The following TOPBP1 variants were observed in gnomAD, a reference collection of about 807,000 sequenced individuals.
TOPBP1 encodes DNA topoisomerase 2-binding protein 1.
A neutral mutation model predicts 167.7 loss-of-function variants in TOPBP1; 28 were observed. The observed-to-expected ratio is 0.17, with a 90% CI of 0.12 to 0.23. TOPBP1 has a LOEUF of 0.23. Among genes scored for constraint, TOPBP1 ranks in the 10% least tolerant of loss-of-function variants. The pLI, the probability that TOPBP1 is intolerant of heterozygous loss-of-function variation, is 1.00. For synonymous variants in TOPBP1, 598 were observed against 611.4 expected (o/e 0.98, Z 0.32); for missense variants, 1,554 against 1,809.6 (o/e 0.86, Z 2.56).
chr3:133,623,448 C>G lies in TOPBP1; in HGVS notation c.2938G>C (p.Glu980Gln). The change falls in exon 18 of 28, where the codon GAG becomes CAG. Residue 980 changes from glutamate to glutamine, a missense_variant. By Grantham distance (29) the Glu-to-Gln change is conservative. This residue lies in a region of TOPBP1 where 1,197 missense variants were observed against 1,351.5 expected (regional missense o/e 0.89). Transcript: ENST00000260810. ...SEHWLLDCAQ[E>Q]CKHLPESLYP... ...AGAGATTCAGGAAGATGTTTACACT[C>G]TTGGGCACACTGCAATACAATGGTG... is the stretch of plus-strand genomic sequence containing the variant. 6.2e-7 allele frequency: 1 copy of G among 1,609,862 alleles called. No individual in the cohort carries two copies. The highest frequency in any genetic ancestry group is 8.5e-7 in the Non-Finnish European group (1 of 1,177,794).
intron 14 of TOPBP1, among the ~76,000 whole-genome samples, chr3:133,632,614 T>C (rs896565417): frequency 6.6e-5 from 10 of 152,176 alleles, no homozygotes; most frequent in African/African-American, 2.2e-4. Context: ...GAAGCTCCCA[T>C]ACCACATCTA....
chr3:133,644,040 C>T lies in TOPBP1; in HGVS notation c.1828G>A (p.Val610Ile), dbSNP rs1935990468. The T allele has an allele frequency of 2.5e-6, 4 of 1,603,258 alleles. No homozygotes were observed. The highest frequency in any genetic ancestry group is 2.2e-5 in the South Asian group (2 of 89,078). The change falls in exon 11 of 28, where the codon GTT becomes ATT. Residue 610 changes from valine (V) to isoleucine (I), a missense_variant. Val to Ile is a conservative substitution (Grantham distance 29). Transcript: ENST00000260810. ...GCEVEATVGE[V>I]VTNTWLVTCI... is the part of the protein sequence containing the mutation. ...CTTACCAGCCATGTATTTGTAACAACTTCTCCCACAGTGGCTTCCACTTCA... is the reference window on the plus strand; with the variant it reads ...CTTACCAGCCATGTATTTGTAACAATTTCTCCCACAGTGGCTTCCACTTCA...
intron 27 of TOPBP1, 54 bp from the exon 28 acceptor site, chr3:133,601,447 T>C: frequency 1.5e-6 from 2 of 1,310,960 alleles, no homozygotes; most frequent in Non-Finnish European, 2.0e-6. Context: ...ATTTACGTGA[T>C]CTGGTAATAG....
At position 133,649,628 on chromosome 3, in the gene TOPBP1, T is replaced by C. The variant is rs771751235; in HGVS notation, c.1259A>G (p.His420Arg). Reference sequence around the variant, plus strand: ...TAGCAACCACTTTGCTCCCACTACATGAGGCCTACAAAAATAGCACATAGT... The same window carrying C: ...TAGCAACCACTTTGCTCCCACTACACGAGGCCTACAAAAATAGCACATAGT... ...QFWNKSAHRP[H>R]VVGAKWLLEC... is the part of the protein sequence containing the mutation. The change falls in exon 10 of 28, where the codon CAT becomes CGT. Residue 420 changes from histidine to arginine, a missense_variant. Around this residue, in one of 3 missense-constraint regions of TOPBP1, gnomAD observed 1,197 missense variants for 1,351.5 expected, o/e 0.89. Transcript: ENST00000260810. 3 of 1,613,084 alleles carry C rather than the reference T, an allele frequency of 1.9e-6. No homozygotes were observed. The highest frequency in any genetic ancestry group is 1.3e-5 in the African/African-American group (1 of 74,988).
intron 13 of TOPBP1, among the ~76,000 whole-genome samples, chr3:133,638,935 A>G (rs1935771861): frequency 6.6e-6 from 1 of 152,216 alleles, no homozygotes; most frequent in African/African-American, 2.4e-5. Context: ...AACAACCATT[A>G]TAACACTGAG....
chr3:133,659,438 A>C (rs1255396487), intron 2 of TOPBP1, among the ~76,000 whole-genome samples: 2 of 152,200 alleles, frequency 1.3e-5, no homozygotes, highest in Non-Finnish European at 2.9e-5. Context: ...CACATTTCTT[A>C]CTACAGCCTT....
chr3:133,631,519 G>A (rs923840598), intron 14 of TOPBP1, among the ~76,000 whole-genome samples: 4 of 151,974 alleles, frequency 2.6e-5, no homozygotes, highest in African/African-American at 9.7e-5. Context: ...GATATGGTTT[G>A]GATTTGTGTC....
chr3:133,630,122 T>A (rs908089004), intron 14 of TOPBP1, among the ~76,000 whole-genome samples: 4 of 152,140 alleles, frequency 2.6e-5, no homozygotes, highest in African/African-American at 9.6e-5. Context: ...GTGATAACTA[T>A]CTGCTCCTAT....
At chr3:133,629,848 G>A (rs28522612) in intron 14 of TOPBP1, among the ~76,000 whole-genome samples, 5,280 of 151,872 alleles carry the variant, frequency 0.035, 294 homozygotes, top group African/African-American at 0.12. Context: ...GTACAATGGC[G>A]CGATCTCGGC....
Position 133,640,103 on chromosome 3 carries a change from G to A in TOPBP1, c.2089C>T (p.Leu697=). 1.2e-6 allele frequency: 2 copies of A among 1,613,750 alleles called. No individual in the cohort carries two copies. The highest frequency in any genetic ancestry group is 1.3e-5 in the African/African-American group (1 of 75,020). Residue 697 remains leucine, a synonymous_variant, in exon 13 of 28, where the codon CTG becomes TTG. Transcript: ENST00000260810. ...TATTTAGAGCCACCACGTTCTTTCA[G>A]TATAAGATGAGTACTGGCAAACATG... ...KGMFASTHLI[L]KERGGSKYEA...
chr3:133,650,353 T>TTGTGTGTG (rs141835340), intron 8 of TOPBP1, among the ~76,000 whole-genome samples: 175 of 99,490 alleles, frequency 1.8e-3, no homozygotes, highest in African/African-American at 5.6e-3. Flanking sequence ...TGGGCTTAAA[T>TTGTGTGTG]TGTGTGTGTG....
At chr3:133,627,871 G>A (rs551455242) in intron 16 of TOPBP1, among the ~76,000 whole-genome samples, 2 of 142,878 alleles carry the variant, frequency 1.4e-5, no homozygotes, top group African/African-American at 5.0e-5. Context: ...AGTCTCCAAA[G>A]TTTAAAAAAA....
In TOPBP1 at chr3:133,661,034, C is replaced by A. The variant is rs778852226; in HGVS notation, c.84+10G>T. The A allele has an allele frequency of 5.1e-5, 79 of 1,561,834 alleles. No homozygotes were observed. The highest frequency in any genetic ancestry group is 1.2e-5 in the South Asian group (1 of 82,530). ...TGAATTCACGGTATTAAGATGTTTT[C>A]AACTCTTACCTCGAGAGCTTTAAAA... On this transcript the variant is annotated intron_variant, in intron 2 of 27. Transcript: ENST00000260810.
chr3:133,622,192 T>TTG (rs1935113835), intron 19 of TOPBP1, among the ~76,000 whole-genome samples: 1 of 147,982 alleles, frequency 6.8e-6, no homozygotes, highest in African/African-American at 2.5e-5. Context: ...TATGTTTTTT[T>TTG]TTTTTTTTTT....
intron 10 of TOPBP1, 67 bp downstream of exon 10, chr3:133,649,316 C>A: frequency 6.6e-7 from 1 of 1,523,242 alleles, no homozygotes. Context: ...GCAGAAATCA[C>A]ATATGTACGT....
intron 14 of TOPBP1, among the ~76,000 whole-genome samples, chr3:133,635,138 T>A (rs917381039): frequency 2.6e-5 from 4 of 152,346 alleles, no homozygotes; most frequent in Admixed American, 1.3e-4. Flanking sequence ...CAACTTTTTG[T>A]AGATGTGGGG....
Position 133,638,176 on chromosome 3 carries a change from A to G in TOPBP1, c.2234-14T>C, listed in dbSNP as rs1471298820. The G allele has an allele frequency of 6.2e-6, 10 of 1,609,466 alleles. No individual in the cohort carries two copies. The highest frequency in any genetic ancestry group is 8.5e-6 in the Non-Finnish European group (10 of 1,176,644). The stretch of plus-strand genomic sequence containing the variant: ...CCAAACTTCGTTCTAGAGATTTAAA[A>G]TGAAAAGAAACAAATATGAGCCACT... On this transcript the variant is annotated splice_polypyrimidine_tract_variant and intron_variant, in intron 13 of 27. Transcript: ENST00000260810.
In TOPBP1 at chr3:133,649,529, G is replaced by A. The variant is rs760358863; in HGVS notation, c.1358C>T (p.Pro453Leu). Residue 453 changes from proline to leucine, a missense_variant, in exon 10 of 28, where the codon CCA becomes CTA. Transcript: ENST00000260810. ...TTTACTTTCAGGCTTATGTGAAACT[G>A]GAATTTCCACTGGCTGGTAATTAGC... ...IHANYQPVEI[P>L]VSHKPESKAA... 2 of 1,613,838 alleles carry A rather than the reference G, an allele frequency of 1.2e-6. No homozygotes were observed. Among genetic ancestry groups the A allele is most frequent in the South Asian group, 2.2e-5 (2 of 91,076 alleles).
At chr3:133,647,806 G>T (rs1002006000) in intron 10 of TOPBP1, among the ~76,000 whole-genome samples, 6 of 152,030 alleles carry the variant, frequency 3.9e-5, no homozygotes, top group African/African-American at 1.4e-4. Flanking sequence ...GATGATTCGT[G>T]ATCTGGAAAA....
Sources: allele counts gnomAD v4.1 joint callset (sites outside exome capture counted in the v4.1 genomes callset), GRCh38; gene constraint gnomAD v4.1.1; regional missense constraint gnomAD v4.1.1; transcripts MANE v1.5; gene names NCBI Gene and HGNC (gene_info 2026-07-23, HGNC 2026-07-21).